The following RD3 variants were observed in gnomAD, a reference collection of about 807,000 sequenced individuals.
The protein encoded by RD3 is protein RD3.
A neutral mutation model predicts 16.9 loss-of-function variants in RD3; 11 were observed. The ratio of observed to expected loss-of-function variants is 0.65; its 90% CI spans 0.41 to 1.08. The LOEUF is 1.08. Ranked by LOEUF, RD3 falls within the 50% of genes least tolerant of loss-of-function variation. The probability of loss-of-function intolerance (pLI) is 0.00; values close to 1 mark genes in which losing one functional copy is unlikely to be tolerated. For synonymous variants in RD3, 116 were observed against 114.8 expected (o/e 1.01, Z -0.07); for missense variants, 274 against 267.4 (o/e 1.02, Z -0.17).
rs373559534 is a variant in RD3, at chr1:211,487,105, C to T, written c.-12+4663G>A. 3.1e-4 allele frequency among the ~76,000 whole-genome samples: 47 copies of T among 152,314 alleles called. 1 individual carries two copies. The East Asian group carries it at 6.4e-3, about 21-fold the overall frequency. ...CCCTCCCCACGGCCACCGTCTCTTC[C>T]AAAGCCTTTGTCTGCCTAAGATCCA... On this transcript the variant is annotated intron_variant, in intron 1 of 2. Coordinates refer to ENST00000680073, the MANE Select transcript of RD3 (RefSeq NM_001164688.2).
chr1:211,479,592 A>G (rs1224594832), intron 2 of RD3, among the ~76,000 whole-genome samples: 1 of 152,220 alleles, frequency 6.6e-6, no homozygotes, highest in Non-Finnish European at 1.5e-5. Context: ...TGTGTGAGCT[A>G]TAATGAACTA....
At chr1:211,483,869 G>C (rs1296270427) in intron 1 of RD3, among the ~76,000 whole-genome samples, 1 of 152,196 alleles carries the variant, frequency 6.6e-6, no homozygotes, top group Non-Finnish European at 1.5e-5. Flanking sequence ...AGCACCAAAA[G>C]AGTGAATGGT....
Position 211,478,874 on chromosome 1 carries a change from G to T in RD3, c.*162C>A. 1.5e-6 allele frequency: 1 copy of T among 654,950 alleles called. No individual in the cohort carries two copies. Among genetic ancestry groups the T allele is most frequent in the African/African-American group, 1.8e-5 (1 of 54,966 alleles). 40.6% of individuals were successfully genotyped at this position (654,950 alleles called of 1,614,324 possible). On this transcript the variant is annotated 3_prime_UTR_variant, in exon 3 of 3. Coordinates refer to ENST00000680073, the MANE Select transcript of RD3 (RefSeq NM_001164688.2). ...TTTGTGGCCAGAGGAAGAGGATGGG[G>T]CAGGGAGTCGCTTCATTTTATAGCA...
intron 1 of RD3, among the ~76,000 whole-genome samples, chr1:211,483,230 G>C (rs1231960283): frequency 2.0e-5 from 3 of 151,854 alleles, no homozygotes. Flanking sequence ...GGGAGGCCGA[G>C]GAGGGCAGCT....
intron 1 of RD3, among the ~76,000 whole-genome samples, chr1:211,483,393 C>T (rs959623014): frequency 2.7e-5 from 4 of 149,950 alleles, no homozygotes; most frequent in African/African-American, 7.4e-5. Flanking sequence ...ACTGGGGAGG[C>T]GGAGTGAGCT....
At chr1:211,490,648 G>C (rs535921803) in intron 1 of RD3, among the ~76,000 whole-genome samples, 47 of 152,346 alleles carry the variant, frequency 3.1e-4, no homozygotes, top group Admixed American at 6.5e-4. Context: ...CAACTTTACA[G>C]ATTGCAAATT....
In RD3 at chr1:211,478,884, G is replaced by A. The variant is rs1034203590; in HGVS notation, c.*152C>T. ...GAGGAAGAGGATGGGGCAGGGAGTC[G>A]CTTCATTTTATAGCAGCGTCTTGGG... On this transcript the variant is annotated 3_prime_UTR_variant, in exon 3 of 3. Transcript: ENST00000680073. 4 of 692,410 alleles carry A rather than the reference G, an allele frequency of 5.8e-6. No individual in the cohort carries two copies. Among genetic ancestry groups the A allele is most frequent in the South Asian group, 2.0e-5 (1 of 50,508 alleles). The allele number at this position is 692,410 out of a possible 1,614,324, so 42.9% of individuals were successfully genotyped here.
chr1:211,490,014 C>T (rs1416517767), intron 1 of RD3, among the ~76,000 whole-genome samples: 1 of 152,172 alleles, frequency 6.6e-6, no homozygotes, highest in Non-Finnish European at 1.5e-5. Flanking sequence ...TTCCTTTCAG[C>T]CTATTTTTGA....
Position 211,479,209 on chromosome 1 carries a change from T to A in RD3, c.415A>T (p.Thr139Ser), listed in dbSNP as rs375672881. ...MKQEEEAHKLTRQWSLRPRGS... is the reference protein window; with the variant it reads ...MKQEEEAHKLSRQWSLRPRGS... ...CGGGGCCGCAGGCTCCACTGGCGCGTCAGCTTGTGGGCCTCCTCTTCCTGC... is the reference window on the plus strand; with the variant it reads ...CGGGGCCGCAGGCTCCACTGGCGCGACAGCTTGTGGGCCTCCTCTTCCTGC... The change falls in exon 3 of 3, where the codon ACG becomes TCG. Residue 139 changes from threonine to serine, a missense_variant. Thr to Ser is a moderately conservative substitution (Grantham distance 58). Coordinates refer to ENST00000680073, the MANE Select transcript of RD3 (RefSeq NM_001164688.2). 71 of 1,611,352 alleles carry A rather than the reference T, an allele frequency of 4.4e-5. No homozygotes were observed. Among genetic ancestry groups the A allele is most frequent in the Non-Finnish European group, 5.8e-5 (68 of 1,179,162 alleles).
At chr1:211,482,448 T>C (rs1705293380) in intron 1 of RD3, among the ~76,000 whole-genome samples, 1 of 151,692 alleles carries the variant, frequency 6.6e-6, no homozygotes. Context: ...TCAGCACTGA[T>C]GTGGGAGGGG....
chr1:211,479,188 G>A lies in RD3; in HGVS notation c.436C>T (p.Pro146Ser), dbSNP rs1174824692. The A allele has an allele frequency of 1.2e-6, 2 of 1,612,464 alleles. No homozygotes were observed. Among genetic ancestry groups the A allele is most frequent in the Middle Eastern group, 1.7e-4 (1 of 6,058 alleles). ...HKLTRQWSLRPRGSLATFKTR... is the reference protein window; with the variant it reads ...HKLTRQWSLRSRGSLATFKTR... ...TTGAAGGTGGCCAGGCTGCCGCGGG[G>A]CCGCAGGCTCCACTGGCGCGTCAGC... The change falls in exon 3 of 3, where the codon CCC becomes TCC. Residue 146 changes from proline (P) to serine (S), a missense_variant. By Grantham distance (74) the Pro-to-Ser change is moderately conservative. Coordinates refer to ENST00000680073, the MANE Select transcript of RD3 (RefSeq NM_001164688.2).
intron 1 of RD3, among the ~76,000 whole-genome samples, chr1:211,484,600 A>G (rs559619453): frequency 2.0e-5 from 3 of 152,366 alleles, no homozygotes; most frequent in Admixed American, 2.0e-4. Flanking sequence ...TAAGCTAACA[A>G]ACTATTAAAT....
At chr1:211,482,872 C>T (rs1705304212) in intron 1 of RD3, among the ~76,000 whole-genome samples, 1 of 151,842 alleles carries the variant, frequency 6.6e-6, no homozygotes, top group African/African-American at 2.4e-5. Context: ...CCAATGATCC[C>T]ATTTCTGCTT....
chr1:211,478,907 G>T lies in RD3; in HGVS notation c.*129C>A. ...TCGCTTCATTTTATAGCAGCGTCTTGGGATGGGGCCGCCTCTTGGGTCTCC... is the reference window on the plus strand; with the variant it reads ...TCGCTTCATTTTATAGCAGCGTCTTTGGATGGGGCCGCCTCTTGGGTCTCC... On this transcript the variant is annotated 3_prime_UTR_variant, in exon 3 of 3. Coordinates refer to ENST00000680073, the MANE Select transcript of RD3 (RefSeq NM_001164688.2). The T allele has an allele frequency of 1.3e-5, 10 of 753,504 alleles. No individual in the cohort carries two copies. Among genetic ancestry groups the T allele is most frequent in the East Asian group, 2.9e-5 (1 of 35,050 alleles). The allele number at this position is 753,504 out of a possible 1,614,324, so 46.7% of individuals were successfully genotyped here.
intron 1 of RD3, among the ~76,000 whole-genome samples, chr1:211,485,317 T>C (rs565201644): frequency 3.7e-4 from 57 of 152,180 alleles, no homozygotes; most frequent in African/African-American, 1.3e-3. Flanking sequence ...CTCCTCCCCA[T>C]CCCCTCACTT....
rs138167857 is a variant in RD3 at position 211,487,853 on chromosome 1, C to T, written c.-12+3915G>A. Among the ~76,000 whole-genome samples, 123 of 152,330 alleles carry T rather than the reference C, an allele frequency of 8.1e-4. 3 individuals are homozygous for T. In the Middle Eastern group the frequency reaches 0.01, roughly 13 times the overall value. On this transcript the variant is annotated intron_variant, in intron 1 of 2. Transcript: ENST00000680073. ...GACACAGGAGGAGTGTGTGACCTGCCTGTCGCTGTGCTAGGTGCTGGGACT... is the reference window on the plus strand; with the variant it reads ...GACACAGGAGGAGTGTGTGACCTGCTTGTCGCTGTGCTAGGTGCTGGGACT...
chr1:211,490,830 A>G (rs955373672), intron 1 of RD3, among the ~76,000 whole-genome samples: 1 of 151,878 alleles, frequency 6.6e-6, no homozygotes, highest in Non-Finnish European at 1.5e-5. Flanking sequence ...CCCCCCACCC[A>G]TGGAGCACTG....
At chr1:211,481,913 C>T (rs550710276) in intron 1 of RD3, among the ~76,000 whole-genome samples, 18 of 152,260 alleles carry the variant, frequency 1.2e-4, no homozygotes, top group South Asian at 2.1e-4. Flanking sequence ...AGCCTATTGA[C>T]GAAAGACACT....
rs764677890 is a variant in RD3 at position 211,479,330 on chromosome 1, G to C, written c.297-3C>G. ...GCTCCGCCAGCAGCTGCCGGAACCT[G>C]GGCGGGAGGGGAGGGCGCTGGGGAC... is the stretch of plus-strand genomic sequence containing the variant. On this transcript the variant is annotated splice_polypyrimidine_tract_variant and splice_region_variant and intron_variant, in intron 2 of 2. Coordinates refer to ENST00000680073, the MANE Select transcript of RD3 (RefSeq NM_001164688.2). 8.1e-6 allele frequency: 13 copies of C among 1,600,816 alleles called. No homozygotes were observed. Among genetic ancestry groups the C allele is most frequent in the Non-Finnish European group, 1.0e-5 (12 of 1,174,338 alleles).
Sources: gnomAD v4.1 joint callset for allele counts (sites outside exome capture counted in the v4.1 genomes callset) on GRCh38, gnomAD v4.1.1 for gene constraint, MANE v1.5 for transcripts, NCBI Gene and HGNC (gene_info 2026-07-23, HGNC 2026-07-21) for gene names.